The following SYNPR variants were observed in gnomAD, a reference collection of about 807,000 sequenced individuals.
The protein encoded by SYNPR is synaptoporin.
In SYNPR, 23 loss-of-function variants were observed where a neutral mutation model predicts 32.9. The observed-to-expected ratio is 0.70, with a 90% confidence interval of 0.50 to 0.99. The LOEUF (loss-of-function observed/expected upper bound fraction) is 0.99, where lower values mean the gene tolerates loss of function less well. Among genes scored for constraint, SYNPR ranks in the 50% least tolerant of loss-of-function variants. The pLI is 0.00. For missense variants in SYNPR, 318 were observed against 349.3 expected, an observed-to-expected ratio of 0.91 and a Z score of 0.71; for synonymous variants, 146 against 135.9, an observed-to-expected ratio of 1.07 and a Z score of -0.52.
At chr3:63,588,085 T>C (rs1703223247) in intron 4 of SYNPR, among the ~76,000 whole-genome samples, 1 of 152,122 alleles carries the variant, frequency 6.6e-6, no homozygotes, top group Non-Finnish European at 1.5e-5. Context: ...TATCTGCCAT[T>C]GTATGGAGAA....
chr3:63,461,386 A>G (rs1700582598), intron 2 of SYNPR, among the ~76,000 whole-genome samples: 1 of 152,176 alleles, frequency 6.6e-6, no homozygotes, highest in African/African-American at 2.4e-5. Flanking sequence ...CAGGAAACGT[A>G]AACACATAAA....
intron 2 of SYNPR, among the ~76,000 whole-genome samples, chr3:63,300,767 A>G (rs560815920): frequency 6.6e-6 from 1 of 152,180 alleles, no homozygotes; most frequent in South Asian, 2.1e-4. Context: ...GGATGAAGCT[A>G]GCCTGTATCT....
In SYNPR at chr3:63,443,072, C is replaced by G. The variant is rs368437602; in HGVS notation, c.85-37760C>G. ...GCCTCTGTTGGTGATGCAGCCTGCT[C>G]GTGCAAAGCAGTCCTGCACTTCCAG... On this transcript the variant is annotated intron_variant, in intron 2 of 5. Transcript: ENST00000478300. 458 of 1,021,504 alleles carry G rather than the reference C, an allele frequency of 4.5e-4. 6 individuals are homozygous for G. In the South Asian group the frequency reaches 0.017, roughly 38 times the overall value. 63.3% of individuals were successfully genotyped at this position (1,021,504 alleles called of 1,614,324 possible).
intron 2 of SYNPR, among the ~76,000 whole-genome samples, chr3:63,341,510 G>GTGGAGT (rs2087370742): frequency 6.6e-6 from 1 of 152,188 alleles, no homozygotes; most frequent in Non-Finnish European, 1.5e-5. Context: ...ATTCTCATCA[G>GTGGAGT]CATTTGATAT....
intron 2 of SYNPR, among the ~76,000 whole-genome samples, chr3:63,254,816 T>A (rs371702608): frequency 6.6e-6 from 1 of 152,142 alleles, no homozygotes; most frequent in Non-Finnish European, 1.5e-5. Flanking sequence ...AATTTACATA[T>A]AATTAAGTTA....
chr3:63,370,384 T>C (rs572709778), intron 2 of SYNPR, among the ~76,000 whole-genome samples: 8 of 152,232 alleles, frequency 5.3e-5, no homozygotes, highest in Non-Finnish European at 1.2e-4. Context: ...TATTTAATCC[T>C]TTCATTGTTT....
chr3:63,419,399 G>T (rs895954431), intron 2 of SYNPR, among the ~76,000 whole-genome samples: 4 of 152,180 alleles, frequency 2.6e-5, no homozygotes, highest in Non-Finnish European at 5.9e-5. Flanking sequence ...GTCCCTCTTG[G>T]GCAAAGGGTT....
intron 2 of SYNPR, among the ~76,000 whole-genome samples, chr3:63,455,444 G>T (rs890213428): frequency 3.3e-5 from 5 of 151,962 alleles, no homozygotes; most frequent in African/African-American, 1.2e-4. Flanking sequence ...TATCATAATT[G>T]GTCATGCCTT....
chr3:63,353,074 T>C (rs1177266926), intron 2 of SYNPR, among the ~76,000 whole-genome samples: 2 of 152,240 alleles, frequency 1.3e-5, no homozygotes, highest in Non-Finnish European at 1.5e-5. Flanking sequence ...GTGGAGAATC[T>C]TTACAAGACA....
At chr3:63,613,402 G>A (rs114622650) in intron 5 of SYNPR, among the ~76,000 whole-genome samples, 1,769 of 151,802 alleles carry the variant, frequency 0.012, 13 homozygotes, top group Non-Finnish European at 0.02. Context: ...ATCTCCCTCA[G>A]CAGGTAGCCT....
At chr3:63,346,862 T>TCTTC (rs1016675704) in intron 2 of SYNPR, among the ~76,000 whole-genome samples, 4 of 152,338 alleles carry the variant, frequency 2.6e-5, no homozygotes, top group African/African-American at 9.6e-5. Context: ...AAATATTGTG[T>TCTTC]CTTCCCCAAA....
At chr3:63,538,340 T>C (rs1702243458) in intron 3 of SYNPR, among the ~76,000 whole-genome samples, 1 of 151,818 alleles carries the variant, frequency 6.6e-6, no homozygotes, top group Non-Finnish European at 1.5e-5. Flanking sequence ...ATGGTGAGAA[T>C]ACGTTTTGTG....
At chr3:63,476,131 AAGGAAG>A (rs1700900511) in intron 2 of SYNPR, among the ~76,000 whole-genome samples, 1 of 37,744 alleles carries the variant, frequency 2.6e-5, no homozygotes, top group Non-Finnish European at 5.1e-5. Context: ...GGAAGGAAGG[AAGGAAG>A]GAAGGAAGGA....
At chr3:63,450,406 G>A (rs535989434) in intron 2 of SYNPR, among the ~76,000 whole-genome samples, 1 of 152,276 alleles carries the variant, frequency 6.6e-6, no homozygotes, top group South Asian at 2.1e-4. Flanking sequence ...CCCAAGAGAT[G>A]AGTTGAATTG....
At chr3:63,476,303 GAAGGGAAGGGAGGGAAGC>G (rs1443187701) in intron 2 of SYNPR, among the ~76,000 whole-genome samples, 7 of 54,372 alleles carry the variant, frequency 1.3e-4, no homozygotes, top group Non-Finnish European at 2.8e-4. Context: ...GGGAGGGAAG[GAAGGGAAGGGAGGGAAGC>G]AAGGGAAGGA....
intron 3 of SYNPR, among the ~76,000 whole-genome samples, chr3:63,486,639 G>C (rs1315797943): frequency 6.6e-6 from 1 of 152,158 alleles, no homozygotes; most frequent in African/African-American, 2.4e-5. Flanking sequence ...AAAGAAGATA[G>C]ATAGATGAGT....
intron 4 of SYNPR, among the ~76,000 whole-genome samples, chr3:63,591,861 G>A (rs941959429): frequency 2.7e-5 from 4 of 148,270 alleles, no homozygotes; most frequent in African/African-American, 7.5e-5. Context: ...AATGCTAGAT[G>A]ACGCGTTAGT....
intron 2 of SYNPR, among the ~76,000 whole-genome samples, chr3:63,342,596 T>C (rs2087384346): frequency 6.6e-6 from 1 of 152,240 alleles, no homozygotes; most frequent in Non-Finnish European, 1.5e-5. Context: ...AATGGATTTA[T>C]CTGTTTTTGT....
chr3:63,385,394 G>A (rs1241274638), intron 2 of SYNPR, among the ~76,000 whole-genome samples: 3 of 152,132 alleles, frequency 2.0e-5, no homozygotes, highest in Admixed American at 1.3e-4. Context: ...ATTGATAAGG[G>A]AGTAATTTTC....
Sources: allele counts gnomAD v4.1 joint callset (sites outside exome capture counted in the v4.1 genomes callset), GRCh38; gene constraint gnomAD v4.1.1; transcripts MANE v1.5; gene names NCBI Gene and HGNC (gene_info 2026-07-23, HGNC 2026-07-21).